Variants in SCHIP1 observed in about 807,000 individuals in gnomAD.
The protein encoded by SCHIP1 is schwannomin interacting protein 1.
In SCHIP1, 8 loss-of-function variants were observed where a neutral mutation model predicts 29.7. The observed-to-expected ratio is 0.27, with a 90% confidence interval of 0.16 to 0.49. The LOEUF (loss-of-function observed/expected upper bound fraction) is 0.49. Ranked by LOEUF, SCHIP1 falls within the 20% of genes least tolerant of loss-of-function variation. The probability of loss-of-function intolerance (pLI) is 0.99; values close to 1 mark genes in which losing one functional copy is unlikely to be tolerated. For synonymous variants in SCHIP1, 76 were observed against 94.9 expected (o/e 0.80, Z 1.16); for missense variants, 193 against 294.6 (o/e 0.66, Z 2.52).
At chr3:159,699,127 A>G in the SCHIP1 span, among the ~76,000 whole-genome samples, 15 of 152,344 alleles carry the variant, frequency 9.8e-5, no homozygotes, top group East Asian at 2.9e-3. Context: ...AGATCTAGGA[A>G]CATAGCATGA....
At chr3:159,665,546 T>TTGTA in the SCHIP1 span, among the ~76,000 whole-genome samples, 2 of 147,460 alleles carry the variant, frequency 1.4e-5, no homozygotes, top group African/African-American at 5.0e-5. Flanking sequence ...GTTTTTGGGG[T>TTGTA]TGTGTGTGTG....
chr3:159,656,507 A>G, the SCHIP1 span, among the ~76,000 whole-genome samples: 2 of 152,096 alleles, frequency 1.3e-5, no homozygotes, highest in Admixed American at 1.3e-4. Context: ...TCTATTGATA[A>G]TAATGTTAGT....
the SCHIP1 span, among the ~76,000 whole-genome samples, chr3:159,795,011 C>T: frequency 1.3e-4 from 20 of 152,172 alleles, no homozygotes; most frequent in South Asian, 4.2e-3. Flanking sequence ...AGAAGTGTCG[C>T]GTTTGGTAGA....
At chr3:159,844,580 C>T (rs1239498631) in intron 1 of SCHIP1, among the ~76,000 whole-genome samples, 5 of 152,202 alleles carry the variant, frequency 3.3e-5, no homozygotes, top group African/African-American at 9.7e-5. Flanking sequence ...CCAATCTCTT[C>T]AGGAAAGAAA....
the SCHIP1 span, among the ~76,000 whole-genome samples, chr3:159,681,487 T>C: frequency 1.3e-5 from 2 of 152,336 alleles, no homozygotes; most frequent in South Asian, 4.1e-4. Flanking sequence ...CACATGCATT[T>C]ATAATTTTTC....
the SCHIP1 span, among the ~76,000 whole-genome samples, chr3:159,361,154 G>T: frequency 0.14 from 21,253 of 152,098 alleles, 1,751 homozygotes; most frequent in African/African-American, 0.2. Context: ...TAAATAAATT[G>T]CATGGTATGT....
chr3:159,567,338 G>A, the SCHIP1 span, among the ~76,000 whole-genome samples: 14 of 152,146 alleles, frequency 9.2e-5, no homozygotes, highest in Non-Finnish European at 1.6e-4. Flanking sequence ...ACATTTTAAT[G>A]TATCAAATTT....
chr3:159,545,151 G>A, the SCHIP1 span, among the ~76,000 whole-genome samples: 1 of 152,034 alleles, frequency 6.6e-6, no homozygotes, highest in Non-Finnish European at 1.5e-5. Flanking sequence ...AACATGTGTA[G>A]ATCTGTTGGG....
chr3:159,420,686 G>A, the SCHIP1 span, among the ~76,000 whole-genome samples: 3 of 152,144 alleles, frequency 2.0e-5, no homozygotes, highest in Admixed American at 6.5e-5. Context: ...GGAAACAATG[G>A]CATAATTATC....
chr3:159,820,174 A>G, the SCHIP1 span, among the ~76,000 whole-genome samples: 1 of 152,152 alleles, frequency 6.6e-6, no homozygotes, highest in Non-Finnish European at 1.5e-5. Context: ...CTCCTGATGA[A>G]CATTCTGAAA....
chr3:159,505,461 ATAATTT>A, the SCHIP1 span, among the ~76,000 whole-genome samples: 1 of 152,066 alleles, frequency 6.6e-6, no homozygotes, highest in Admixed American at 6.6e-5. Context: ...TTGAGCCATT[ATAATTT>A]ATGTTTTTAT....
At chr3:159,829,536 A>G in the SCHIP1 span, among the ~76,000 whole-genome samples, 4 of 152,324 alleles carry the variant, frequency 2.6e-5, no homozygotes, top group African/African-American at 9.6e-5. Context: ...CCCAAACTGT[A>G]ATGATTTAAT....
At chr3:159,406,383 CA>C in the SCHIP1 span, among the ~76,000 whole-genome samples, 1 of 152,054 alleles carries the variant, frequency 6.6e-6, no homozygotes, top group Non-Finnish European at 1.5e-5. Context: ...GTATATCTGG[CA>C]AAAAATATTC....
intron 2 of SCHIP1, among the ~76,000 whole-genome samples, chr3:159,880,384 T>C (rs1489390092): frequency 6.6e-6 from 1 of 152,222 alleles, no homozygotes; most frequent in Non-Finnish European, 1.5e-5. Flanking sequence ...GTATTTTCCA[T>C]ATATAAGACA....
chr3:159,310,574 G>C, the SCHIP1 span, among the ~76,000 whole-genome samples: 2 of 152,026 alleles, frequency 1.3e-5, no homozygotes, highest in East Asian at 3.9e-4. Flanking sequence ...CAGACGGTGG[G>C]TTATATTTCA....
At chr3:159,884,158 GT>G (rs1164215620) in intron 2 of SCHIP1, among the ~76,000 whole-genome samples, 6 of 152,048 alleles carry the variant, frequency 3.9e-5, no homozygotes, top group Admixed American at 6.5e-5. Context: ...AAATGTGTCT[GT>G]TTTTAATTTG....
At chr3:159,550,061 ATCTTAAG>A in the SCHIP1 span, among the ~76,000 whole-genome samples, 1 of 151,244 alleles carries the variant, frequency 6.6e-6, no homozygotes, top group African/African-American at 2.4e-5. Context: ...TTTTTCTCTT[ATCTTAAG>A]ATATCTTAAG....
the SCHIP1 span, among the ~76,000 whole-genome samples, chr3:159,652,869 A>T: frequency 6.6e-6 from 1 of 152,192 alleles, no homozygotes; most frequent in African/African-American, 2.4e-5. Flanking sequence ...AGCAACATGG[A>T]TAAAACTGGA....
chr3:159,550,058 CTTATCTTAAGATATCTTAAGAAAA>C, the SCHIP1 span, among the ~76,000 whole-genome samples: 10 of 147,800 alleles, frequency 6.8e-5, no homozygotes, highest in South Asian at 2.2e-4. Context: ...CTGTTTTTCT[CTTATCTTAAGATATCTTAAGAAAA>C]TTAATTATCT....
Sources: gnomAD v4.1 joint callset for allele counts (sites outside exome capture counted in the v4.1 genomes callset) on GRCh38, gnomAD v4.1.1 for gene constraint, MANE v1.5 for transcripts, NCBI Gene and HGNC (gene_info 2026-07-23, HGNC 2026-07-21) for gene names.